LUM: variants seen among roughly 807,000 people sequenced by gnomAD.
LUM encodes the protein lumican.
In LUM, 13 loss-of-function variants were observed where a neutral mutation model predicts 20.5. The observed-to-expected ratio is 0.63, with a 90% CI of 0.41 to 1.01. LUM has a LOEUF of 1.01. Among genes scored for constraint, LUM ranks in the 50% least tolerant of loss-of-function variants. The probability of loss-of-function intolerance (pLI) is 0.00; values close to 1 mark genes in which losing one functional copy is unlikely to be tolerated. For missense variants in LUM, 321 were observed against 391.1 expected (o/e 0.82, Z 1.51); for synonymous variants, 173 against 151.5 (o/e 1.14, Z -1.04).
chr12:91,108,121 C>T lies in LUM; in HGVS notation c.859G>A (p.Glu287Lys). The T allele has an allele frequency of 1.2e-6, 2 of 1,613,940 alleles. No individual in the cohort carries two copies. The highest frequency in any genetic ancestry group is 1.7e-6 in the Non-Finnish European group (2 of 1,179,942). The change falls in exon 2 of 3, where the codon GAG becomes AAG. Residue 287 changes from glutamate (E) to lysine (K), a missense_variant. Glu to Lys is a moderately conservative substitution (Grantham distance 56, BLOSUM62 1). Coordinates refer to ENST00000266718, the MANE Select transcript of LUM (RefSeq NM_002345.4). This position sits in a 1 kb window ranked among gnomAD's most constrained non-coding sequence, Gnocchi z 4.2. ...ACAGGAACAGCTTTTTACTTACTCT[C>T]AAGTTGATTGACCTCCAGGTAATAG... ...ENYYLEVNQL[E>K]KFDIKSFCKI... is the part of the protein sequence containing the mutation.
intron 2 of LUM, 123 bp from the exon 3 acceptor site, chr12:91,104,442 T>C (rs2121040361): frequency 1.6e-6 from 1 of 645,036 alleles, no homozygotes; most frequent in Non-Finnish European, 2.5e-6. Context: ...AGTCATAATA[T>C]AGTATATGTT....
chr12:91,108,561 T>A lies in LUM; in HGVS notation c.419A>T (p.Glu140Val), dbSNP rs768110502. The change falls in exon 2 of 3, where the codon GAG (glutamate) becomes GTG (valine). Residue 140 changes from glutamate (E) to valine (V), a missense_variant. Physicochemically the swap from Glu to Val is moderately radical, Grantham distance 121 (BLOSUM62 -2). Transcript: ENST00000266718. This position sits in a 1 kb window ranked among gnomAD's most constrained non-coding sequence, Gnocchi z 4.2. The stretch of plus-strand genomic sequence containing the variant: ...CTTGTTATGAGTAAGCTGCAGATCC[T>A]CCAGAGATTTGGGAAGTGGGCCCAC... The part of the protein sequence containing the change: ...ESVGPLPKSL[E>V]DLQLTHNKIT... 2.5e-6 allele frequency: 4 copies of A among 1,610,894 alleles called. No individual in the cohort carries two copies. The highest frequency in any genetic ancestry group is 3.4e-6 in the Non-Finnish European group (4 of 1,177,818).
intron 2 of LUM, among the ~76,000 whole-genome samples, chr12:91,106,841 T>C (rs974189634): frequency 9.9e-5 from 15 of 151,712 alleles, no homozygotes; most frequent in Admixed American, 3.3e-4. Context: ...CAGAGTAACA[T>C]GGTGAGTCCC....
chr12:91,108,335 A>G lies in LUM; in HGVS notation c.645T>C (p.Asn215=), dbSNP rs1231621566. The G allele has an allele frequency of 1.2e-6, 2 of 1,614,042 alleles. No individual in the cohort carries two copies. Among genetic ancestry groups the G allele is most frequent in the East Asian group, 4.5e-5 (2 of 44,886 alleles). Residue 215 remains asparagine, a synonymous_variant, in exon 2 of 3, where the codon AAT becomes AAC. Coordinates refer to ENST00000266718, the MANE Select transcript of LUM (RefSeq NM_002345.4). The surrounding 1 kb of genome is among the most constrained non-coding windows in gnomAD (Gnocchi z 4.2). Reference sequence around the variant, plus strand: ...ACTCATCAGGGATGTTGCTGATCTTATTGTTGTCTAAGTAGAGAGTTAGAA... The same window carrying G: ...ACTCATCAGGGATGTTGCTGATCTTGTTGTTGTCTAAGTAGAGAGTTAGAA... The part of the protein sequence containing the change: ...VSLLTLYLDN[N]KISNIPDEYF...
At chr12:91,110,248 A>G (rs1466208550) in intron 1 of LUM, among the ~76,000 whole-genome samples, 1 of 152,232 alleles carries the variant, frequency 6.6e-6, no homozygotes, top group African/African-American at 2.4e-5. Flanking sequence ...CTATGAAAGT[A>G]TGATTACAAG....
At position 91,108,832 on chromosome 12, in the gene LUM, C is replaced by T; in HGVS notation, c.148G>A (p.Ala50Thr). 1.2e-6 allele frequency: 2 copies of T among 1,614,040 alleles called. No homozygotes were observed. Among genetic ancestry groups the T allele is most frequent in the Non-Finnish European group, 1.7e-6 (2 of 1,179,990 alleles). Residue 50 changes from alanine (A) to threonine (T), a missense_variant, in exon 2 of 3, where the codon GCC becomes ACC. Physicochemically the swap from Ala to Thr is moderately conservative, Grantham distance 58. Transcript: ENST00000266718. The surrounding 1 kb of genome is among the most constrained non-coding windows in gnomAD (Gnocchi z 4.2). ...ECNCPESYPS[A>T]MYCDELKLKS... ...AATTTCAGCTCATCACAGTACATGG[C>T]ACTTGGGTAGCTTTCAGGGCAGTTA...
At chr12:91,107,369 AAAAG>A (rs1428034406) in intron 2 of LUM, among the ~76,000 whole-genome samples, 45 of 151,368 alleles carry the variant, frequency 3.0e-4, no homozygotes, top group African/African-American at 9.7e-4. Context: ...GGAAGAAAGA[AAAAG>A]AGAGAGAGAG....
rs1176992467 is a variant in LUM, at chr12:91,103,279, A to T, written c.*886T>A. The T allele has an allele frequency of 1.3e-5, 2 of 152,104 alleles. No homozygotes were observed. Among genetic ancestry groups the T allele is most frequent in the African/African-American group, 2.4e-5 (1 of 41,454 alleles). The allele number at this position is 152,104 out of a possible 1,614,324, so 9.4% of individuals were successfully genotyped here. ...CACATAGCAGCTTCTTATCTAATAG[A>T]ATACCATTGTATATGAACCAGTAAA... On this transcript the variant is annotated 3_prime_UTR_variant, in exon 3 of 3. Transcript: ENST00000266718.
At chr12:91,107,301 GAAAGAAAGAAAGAA>G (rs1565758472) in intron 2 of LUM, among the ~76,000 whole-genome samples, 4 of 108,252 alleles carry the variant, frequency 3.7e-5, no homozygotes, top group African/African-American at 1.5e-4. Flanking sequence ...AAGAAAGAAA[GAAAGAAAGAAAGAA>G]AGAAAGAAAG....
chr12:91,107,380 A>AGAGG (rs199916366), intron 2 of LUM, among the ~76,000 whole-genome samples: 1 of 139,634 alleles, frequency 7.2e-6, no homozygotes, highest in Non-Finnish European at 1.6e-5. Context: ...AAAGAGAGAG[A>AGAGG]GAGGGAGGGA....
In LUM at chr12:91,108,581, G is replaced by T. The variant is rs1880131984; in HGVS notation, c.399C>A (p.Gly133=). Residue 133 remains glycine, a synonymous_variant, in exon 2 of 3, where the codon GGC becomes GGA. Coordinates refer to ENST00000266718, the MANE Select transcript of LUM (RefSeq NM_002345.4). The surrounding 1 kb of genome is among the most constrained non-coding windows in gnomAD (Gnocchi z 4.2). ...GATCCTCCAGAGATTTGGGAAGTGGGCCCACAGACTCTGTCAGGTTGTTGT... is the reference window on the plus strand; with the variant it reads ...GATCCTCCAGAGATTTGGGAAGTGGTCCCACAGACTCTGTCAGGTTGTTGT... The part of the protein sequence containing the change: ...INHNNLTESV[G]PLPKSLEDLQ... The T allele has an allele frequency of 6.2e-7, 1 of 1,611,394 alleles. No homozygotes were observed. The highest frequency in any genetic ancestry group is 1.7e-5 in the Admixed American group (1 of 59,744).
rs1382743661 is a variant in LUM at position 91,108,392 on chromosome 12, T to C, written c.588A>G (p.Ile196Met). ...CAGGGAGACCAGAAGGCAGTCTGGC[T>C]ATCTGATTGAAGCTCAAGTCAAGGT... is the stretch of plus-strand genomic sequence containing the variant. ...LEYLDLSFNQIARLPSGLPVS... is the reference protein window; with the variant it reads ...LEYLDLSFNQMARLPSGLPVS... The change falls in exon 2 of 3, where the codon ATA becomes ATG. Residue 196 changes from isoleucine to methionine, a missense_variant. By Grantham distance (10) the Ile-to-Met change is conservative. Transcript: ENST00000266718. The surrounding 1 kb of genome is among the most constrained non-coding windows in gnomAD (Gnocchi z 4.2). 6.2e-7 allele frequency: 1 copy of C among 1,614,178 alleles called. No homozygotes were observed. The highest frequency in any genetic ancestry group is 1.7e-5 in the Admixed American group (1 of 60,022).
chr12:91,105,098 A>G (rs1880001672), intron 2 of LUM, among the ~76,000 whole-genome samples: 1 of 152,292 alleles, frequency 6.6e-6, no homozygotes, highest in East Asian at 1.9e-4. Flanking sequence ...TCTAGTTAAC[A>G]AAGACTTCAG....
At chr12:91,106,690 T>TAAAAAAAAAAAAAAAAAAAAAAAA (rs374164456) in intron 2 of LUM, among the ~76,000 whole-genome samples, 1 of 90,582 alleles carries the variant, frequency 1.1e-5, no homozygotes, top group African/African-American at 4.6e-5. Context: ...ATTTTTCTTC[T>TAAAAAAAAAAAAAAAAAAAAAAAA]AAAAAAAAAA....
In LUM at chr12:91,107,563, A is replaced by T. The variant is rs977819405; in HGVS notation, c.862+555T>A. On this transcript the variant is annotated intron_variant, in intron 2 of 2. Coordinates refer to ENST00000266718, the MANE Select transcript of LUM (RefSeq NM_002345.4). Reference sequence around the variant, plus strand: ...ATATATGAGGAGGTAACACAGCAGGATGAGTTGGCCCGGAATTTTTAGTTT... The same window carrying T: ...ATATATGAGGAGGTAACACAGCAGGTTGAGTTGGCCCGGAATTTTTAGTTT... Among the ~76,000 whole-genome samples the T allele has an allele frequency of 6.6e-5, 10 of 152,312 alleles. No individual in the cohort carries two copies. In the South Asian group the frequency reaches 1.9e-3, roughly 28 times the overall value.
intron 2 of LUM, among the ~76,000 whole-genome samples, chr12:91,105,906 G>C (rs767790156): frequency 2.6e-5 from 4 of 152,162 alleles, no homozygotes; most frequent in Non-Finnish European, 4.4e-5. Context: ...AATGTACTCC[G>C]TCATCCCTTA....
At chr12:91,109,876 T>C (rs1263361952) in intron 1 of LUM, among the ~76,000 whole-genome samples, 3 of 152,182 alleles carry the variant, frequency 2.0e-5, no homozygotes, top group Non-Finnish European at 4.4e-5. Context: ...TGCCATGGTT[T>C]GCATATCTGG....
intron 2 of LUM, among the ~76,000 whole-genome samples, chr12:91,107,626 C>A (rs757671250): frequency 2.2e-4 from 33 of 152,072 alleles, no homozygotes; most frequent in Admixed American, 1.0e-3. Context: ...CTTAATTGTT[C>A]CTTATCTGGA....
chr12:91,109,034 A>T (rs559991760), intron 1 of LUM, 34 bp from the exon 2 acceptor site: 26 of 1,381,982 alleles, frequency 1.9e-5, no homozygotes, highest in African/African-American at 1.7e-4. Context: ...TAATTAAAAA[A>T]ATATATACTT....
Sources: gnomAD v4.1 joint callset for allele counts (sites outside exome capture counted in the v4.1 genomes callset) on GRCh38, gnomAD v4.1.1 for gene constraint, Gnocchi (gnomAD v3.1) non-coding constraint, MANE v1.5 for transcripts, NCBI Gene and HGNC (gene_info 2026-07-23, HGNC 2026-07-21) for gene names.